The following EIF2AK1 variants were observed in gnomAD, a reference collection of about 807,000 sequenced individuals.
The protein encoded by EIF2AK1 is eukaryotic translation initiation factor 2 alpha kinase 1.
EIF2AK1 carries 54 observed loss-of-function variants against 77.9 expected under a neutral mutation model. That is an observed-to-expected ratio of 0.69 (90% CI 0.56 to 0.87). The LOEUF (loss-of-function observed/expected upper bound fraction) is 0.87. Ranked by LOEUF, EIF2AK1 falls within the 40% of genes least tolerant of loss-of-function variation. The probability of loss-of-function intolerance (pLI) is 0.00; values close to 1 mark genes in which losing one functional copy is unlikely to be tolerated. For missense variants in EIF2AK1, 810 were observed against 768.6 expected, an observed-to-expected ratio of 1.05 and a Z score of -0.64; for synonymous variants, 314 against 290.5, an observed-to-expected ratio of 1.08 and a Z score of -0.82.
chr7:6,045,349 G>T (rs76699236), intron 6 of EIF2AK1, among the ~76,000 whole-genome samples: 9,783 of 152,078 alleles, frequency 0.064, 597 homozygotes, highest in East Asian at 0.34. Flanking sequence ...CAAGTGATCT[G>T]CCTGCCTTCG....
chr7:6,034,667 C>A (rs1054967279), intron 11 of EIF2AK1, among the ~76,000 whole-genome samples: 1 of 152,184 alleles, frequency 6.6e-6, no homozygotes, highest in Non-Finnish European at 1.5e-5. Context: ...TAGGGCCTCA[C>A]GCTAAACAAA....
At chr7:6,027,000 CAA>C (rs1371798073) in intron 13 of EIF2AK1, 39 bp from the exon 14 acceptor site, 2 of 1,533,530 alleles carry the variant, frequency 1.3e-6, no homozygotes, top group African/African-American at 2.7e-5. Context: ...TAGTGAAATA[CAA>C]AGTTAGAAGA....
Position 6,041,097 on chromosome 7 carries a change from A to T in EIF2AK1, c.914T>A (p.Val305Glu). 6.2e-7 allele frequency: 1 copy of T among 1,614,066 alleles called. No individual in the cohort carries two copies. The highest frequency in any genetic ancestry group is 1.1e-5 in the South Asian group (1 of 91,078). Reference sequence around the variant, plus strand: ...TATGACTAAATTGGTGGTGTACTTCACCGACTTGTTATTCTGATTTTCAGT... The same window carrying T: ...TATGACTAAATTGGTGGTGTACTTCTCCGACTTGTTATTCTGATTTTCAGT... ...SDTENQNNKS[V>E]KYTTNLVIRE... Residue 305 changes from valine to glutamate, a missense_variant, in exon 9 of 15, where the codon GTG (valine) becomes GAG (glutamate). By Grantham distance (121) the Val-to-Glu change is moderately radical (BLOSUM62 -2). This residue lies in a region of EIF2AK1 where 549 missense variants were observed against 533.7 expected (regional missense o/e 1.03). Transcript: ENST00000199389.
chr7:6,035,470 A>G lies in EIF2AK1; in HGVS notation c.1332+1954T>C. ...GACACGACAGGCCTCACCACACTCA[A>G]CTTAATGCTACTGCACTGGCCAGTC... On this transcript the variant is annotated intron_variant, in intron 11 of 14. Coordinates refer to ENST00000199389, the MANE Select transcript of EIF2AK1 (RefSeq NM_014413.4). This position sits in a 1 kb window ranked among gnomAD's most constrained non-coding sequence, Gnocchi z 5.5. 1.9e-6 allele frequency: 3 copies of G among 1,550,768 alleles called. No homozygotes were observed. The highest frequency in any genetic ancestry group is 1.2e-5 in the South Asian group (1 of 84,046).
At chr7:6,034,764 G>C (rs920949901) in intron 11 of EIF2AK1, among the ~76,000 whole-genome samples, 1 of 152,140 alleles carries the variant, frequency 6.6e-6, no homozygotes, top group African/African-American at 2.4e-5. Flanking sequence ...CAAAACAAAG[G>C]AATTTTTGAA....
chr7:6,051,615 AG>A (rs1788609725), intron 2 of EIF2AK1, among the ~76,000 whole-genome samples: 1 of 151,922 alleles, frequency 6.6e-6, no homozygotes, highest in Non-Finnish European at 1.5e-5. Flanking sequence ...TTTTTAGTAG[AG>A]ATGGGGTTTC....
At chr7:6,030,120 A>G (rs11770056) in intron 11 of EIF2AK1, among the ~76,000 whole-genome samples, 103,831 of 152,112 alleles carry the variant, frequency 0.68, 35,770 homozygotes, top group East Asian at 0.85. Flanking sequence ...GTAACAAACC[A>G]CATGGCTCAT....
intron 1 of EIF2AK1, among the ~76,000 whole-genome samples, chr7:6,056,613 A>AAAAAAAAAAAAATATATATATATATAT: frequency 2.3e-5 from 1 of 43,734 alleles, no homozygotes; most frequent in Non-Finnish European, 4.7e-5. Context: ...AAAAAAAAAA[A>AAAAAAAAAAAAATATATATATATATAT]ATATATATAT....
In EIF2AK1 at chr7:6,035,569, CAT is replaced by C. The variant is rs1343816072; in HGVS notation, c.1332+1853_1332+1854del. ...ACAGACATTCAGAATAGCAGCATCACATGTCTCCGCATCTTGTGTGCGCACGG... is the reference window on the plus strand; with the variant it reads ...ACAGACATTCAGAATAGCAGCATCACGTCTCCGCATCTTGTGTGCGCACGG... On this transcript the variant is annotated intron_variant, in intron 11 of 14. Coordinates refer to ENST00000199389, the MANE Select transcript of EIF2AK1 (RefSeq NM_014413.4). The surrounding 1 kb of genome is among the most constrained non-coding windows in gnomAD (Gnocchi z 5.5). 7.7e-6 allele frequency: 12 copies of C among 1,551,072 alleles called. No individual in the cohort carries two copies. The highest frequency in any genetic ancestry group is 7.3e-5 in the East Asian group (3 of 40,942).
chr7:6,041,153 T>C lies in EIF2AK1; in HGVS notation c.858A>G (p.Pro286=). ...ATTCTCCAAAGCGTTTTTCTTTTTC[T>C]GGGGTGGGCTCAGCAAAGATAATGG... ...SSSIIFAEPT[P]EKEKRFGESD... is the part of the protein sequence containing the mutation. The change falls in exon 9 of 15, where the codon CCA becomes CCG. Residue 286 remains proline, a synonymous_variant. Coordinates refer to ENST00000199389, the MANE Select transcript of EIF2AK1 (RefSeq NM_014413.4). 1 of 1,613,986 alleles carries C rather than the reference T, an allele frequency of 6.2e-7. No homozygotes were observed. Among genetic ancestry groups the C allele is most frequent in the South Asian group, 1.1e-5 (1 of 91,080 alleles).
chr7:6,036,052 C>T lies in EIF2AK1; in HGVS notation c.1332+1372G>A, dbSNP rs1386404706. The T allele has an allele frequency of 6.4e-7, 1 of 1,551,048 alleles. No homozygotes were observed. Among genetic ancestry groups the T allele is most frequent in the South Asian group, 1.2e-5 (1 of 84,056 alleles). On this transcript the variant is annotated intron_variant, in intron 11 of 14. Transcript: ENST00000199389. The surrounding 1 kb of genome is among the most constrained non-coding windows in gnomAD (Gnocchi z 4.6). ...TTTGAAGCAAATGTTAACATTTTAA[C>T]AAGAAACGGGGAATCTCCAATTTAT...
At position 6,032,745 on chromosome 7, in the gene EIF2AK1, A is replaced by T; in HGVS notation, c.1333-3713T>A. 9.7e-7 allele frequency: 1 copy of T among 1,030,620 alleles called. No individual in the cohort carries two copies. Among genetic ancestry groups the T allele is most frequent in the African/African-American group, 1.6e-5 (1 of 62,142 alleles). The allele number at this position is 1,030,620 out of a possible 1,614,324, so 63.8% of individuals were successfully genotyped here. A position where few individuals can be genotyped will look rare whatever the true frequency, so the allele number is the denominator to read the frequency against. On this transcript the variant is annotated intron_variant, in intron 11 of 14. Transcript: ENST00000199389. The surrounding 1 kb of genome is among the most constrained non-coding windows in gnomAD (Gnocchi z 4.3). Reference sequence around the variant, plus strand: ...AAAAGAGTGAGCCAATGAGACACTAAATAAATGTATTGCCTTTGAAACGGC... The same window carrying T: ...AAAAGAGTGAGCCAATGAGACACTATATAAATGTATTGCCTTTGAAACGGC...
chr7:6,048,445 A>G (rs1256411072), intron 4 of EIF2AK1, among the ~76,000 whole-genome samples: 1 of 152,208 alleles, frequency 6.6e-6, no homozygotes, highest in Non-Finnish European at 1.5e-5. Context: ...ACTTTATTGC[A>G]GGGATAGACC....
rs1562760227 is a variant in EIF2AK1, at chr7:6,054,663, G to C, written c.160C>G (p.Leu54Val). 1 of 1,614,140 alleles carries C rather than the reference G, an allele frequency of 6.2e-7. No individual in the cohort carries two copies. Among genetic ancestry groups the C allele is most frequent in the Non-Finnish European group, 8.5e-7 (1 of 1,180,020 alleles). ...PAEIQVLKEP[L>V]QQPTFPFAVA... is the part of the protein sequence containing the mutation. ...GCAAAAGGGAAGGTTGGCTGTTGTA[G>C]GGGTTCTTTTAACACCTGGATTTCT... Residue 54 changes from leucine (L) to valine (V), a missense_variant, in exon 2 of 15, where the codon CTA (leucine) becomes GTA (valine). Leu to Val is a conservative substitution (Grantham distance 32, BLOSUM62 1). This residue lies in a region of EIF2AK1 where 246 missense variants were observed against 199.0 expected (regional missense o/e 1.24). Coordinates refer to ENST00000199389, the MANE Select transcript of EIF2AK1 (RefSeq NM_014413.4).
chr7:6,043,113 CCTT>C, intron 7 of EIF2AK1, 120 bp from the exon 8 acceptor site: 1 of 985,496 alleles, frequency 1.0e-6, no homozygotes, highest in Admixed American at 2.5e-5. Context: ...AATGTCATGA[CCTT>C]CTGGCAAAAT....
rs942001576 is a variant in EIF2AK1 at position 6,035,616 on chromosome 7, G to C, written c.1332+1808C>G. 5.2e-6 allele frequency: 8 copies of C among 1,550,930 alleles called. No homozygotes were observed. The highest frequency in any genetic ancestry group is 1.4e-5 in the African/African-American group (1 of 73,142). ...GCACGGAGCTCAAGTGAACACTCAA[G>C]GGGAAATCAGCAACAAACGTTCACC... On this transcript the variant is annotated intron_variant, in intron 11 of 14. Coordinates refer to ENST00000199389, the MANE Select transcript of EIF2AK1 (RefSeq NM_014413.4). The surrounding 1 kb of genome is among the most constrained non-coding windows in gnomAD (Gnocchi z 5.5).
At chr7:6,050,602 C>CTTT (rs576925022) in intron 2 of EIF2AK1, among the ~76,000 whole-genome samples, 2 of 132,992 alleles carry the variant, frequency 1.5e-5, no homozygotes, top group Non-Finnish European at 1.6e-5. Flanking sequence ...AATTACTTCT[C>CTTT]TTTTTTTTTT....
At position 6,059,063 on chromosome 7, in the gene EIF2AK1, C is replaced by T. The variant is rs1399267247; in HGVS notation, c.21G>A (p.Gly7=). 2 of 1,465,480 alleles carry T rather than the reference C, an allele frequency of 1.4e-6. No individual in the cohort carries two copies. The highest frequency in any genetic ancestry group is 5.4e-5 in the Admixed American group (2 of 36,848). The allele number at this position is 1,465,480 out of a possible 1,614,324, so 90.8% of individuals were successfully genotyped here. Residue 7 remains glycine (G), a synonymous_variant, in exon 1 of 15, where the codon GGG becomes GGA. Transcript: ENST00000199389. MQGGNS[G]VRKREEEGDG... ...CGCCCTCCTCTTCGCGCTTGCGGACCCCGGAGTTGCCCCCCTGCATCGCCG... is the reference window on the plus strand; with the variant it reads ...CGCCCTCCTCTTCGCGCTTGCGGACTCCGGAGTTGCCCCCCTGCATCGCCG...
At chr7:6,040,207 C>T (rs868857638) in intron 9 of EIF2AK1, among the ~76,000 whole-genome samples, 4 of 151,968 alleles carry the variant, frequency 2.6e-5, no homozygotes, top group African/African-American at 9.7e-5. Flanking sequence ...CGCACAGCAT[C>T]GCGCCTGGCT....
Sources: allele counts gnomAD v4.1 joint callset (sites outside exome capture counted in the v4.1 genomes callset), GRCh38; gene constraint gnomAD v4.1.1; regional missense constraint gnomAD v4.1.1; non-coding constraint Gnocchi (gnomAD v3.1); transcripts MANE v1.5; gene names NCBI Gene and HGNC (gene_info 2026-07-23, HGNC 2026-07-21).